The following NKAIN2 variants were observed in gnomAD, a reference collection of about 807,000 sequenced individuals.
The protein encoded by NKAIN2 is sodium/potassium transporting ATPase interacting 2, also known as sodium/potassium-transporting ATPase subunit beta-1-interacting protein 2.
In NKAIN2, 14 loss-of-function variants were observed where a neutral mutation model predicts 32.6. The ratio of observed to expected loss-of-function variants is 0.43; its 90% CI spans 0.28 to 0.67. NKAIN2 has a LOEUF of 0.67. NKAIN2 is among the 30% of genes least tolerant of loss of function. The pLI, the probability that NKAIN2 is intolerant of heterozygous loss-of-function variation, is 0.17. For missense variants in NKAIN2, 198 were observed against 258.3 expected (o/e 0.77, Z 1.60); for synonymous variants, 80 against 87.2 (o/e 0.92, Z 0.46).
chr6:124,208,506 A>G (rs1174343596), intron 1 of NKAIN2, among the ~76,000 whole-genome samples: 1 of 151,724 alleles, frequency 6.6e-6, no homozygotes, highest in Non-Finnish European at 1.5e-5. Flanking sequence ...TGTTCTTTTC[A>G]TATACTGATA....
intron 3 of NKAIN2, among the ~76,000 whole-genome samples, chr6:124,523,168 T>C (rs1779187395): frequency 6.6e-6 from 1 of 151,072 alleles, no homozygotes; most frequent in Admixed American, 6.6e-5. Context: ...AAAAAGATCT[T>C]TAACTGAATT....
chr6:124,014,892 C>T (rs573302296), intron 1 of NKAIN2, among the ~76,000 whole-genome samples: 10 of 152,076 alleles, frequency 6.6e-5, no homozygotes, highest in Non-Finnish European at 1.5e-4. Flanking sequence ...ACTTGTTTAA[C>T]GTATCTCCCT....
At chr6:123,878,758 T>G (rs116221220) in intron 1 of NKAIN2, among the ~76,000 whole-genome samples, 5,097 of 152,210 alleles carry the variant, frequency 0.033, 145 homozygotes, top group African/African-American at 0.074. Context: ...CTTTCTGTAC[T>G]CTATATTTTG....
chr6:124,781,786 A>G (rs141920492), intron 4 of NKAIN2, among the ~76,000 whole-genome samples: 293 of 152,220 alleles, frequency 1.9e-3, no homozygotes, highest in African/African-American at 6.6e-3. Flanking sequence ...TCTGACTCCA[A>G]AGTTATTCAG....
At chr6:124,148,415 C>T (rs925688341) in intron 1 of NKAIN2, among the ~76,000 whole-genome samples, 7 of 152,054 alleles carry the variant, frequency 4.6e-5, no homozygotes, top group East Asian at 3.9e-4. Context: ...ATCTCCCCCC[C>T]GACCAACCCC....
intron 1 of NKAIN2, among the ~76,000 whole-genome samples, chr6:124,166,086 C>G (rs533658293): frequency 1.4e-3 from 171 of 122,970 alleles, no homozygotes; most frequent in African/African-American, 4.9e-3. Context: ...CCTGAGGAAT[C>G]GCCACACTGA....
intron 1 of NKAIN2, among the ~76,000 whole-genome samples, chr6:124,011,790 T>C (rs1780343278): frequency 6.6e-6 from 1 of 152,214 alleles, no homozygotes; most frequent in Non-Finnish European, 1.5e-5. Flanking sequence ...TGTTGTGCCT[T>C]CCTAACTAGT....
chr6:124,576,737 G>A lies in NKAIN2; in HGVS notation c.274-81449G>A, dbSNP rs145726351. On this transcript the variant is annotated intron_variant, in intron 3 of 6. Transcript: ENST00000368417. ...CTGATAGGGTTGTAAATATTGGCAC[G>A]TTCCAAATACTCTTTAAGAAACGCA... Among the ~76,000 whole-genome samples the A allele has an allele frequency of 3.3e-5, 5 of 152,166 alleles. 1 individual carries two copies. Among genetic ancestry groups the A allele is most frequent in the South Asian group, 4.1e-4 (2 of 4,820 alleles).
rs149257498 is a variant in NKAIN2, at chr6:124,102,087, C to A, written c.55-180918C>A. On this transcript the variant is annotated intron_variant, in intron 1 of 6. Transcript: ENST00000368417. Reference sequence around the variant, plus strand: ...TCGAACTTCAAGGAACTGGCATGGGCCAGGTAAAGTCACCTGAGAGGAGGG... The same window carrying A: ...TCGAACTTCAAGGAACTGGCATGGGACAGGTAAAGTCACCTGAGAGGAGGG... Among the ~76,000 whole-genome samples, 3 of 152,260 alleles carry A rather than the reference C, an allele frequency of 2.0e-5. No individual in the cohort carries two copies. In the East Asian group the frequency reaches 5.8e-4, roughly 30 times the overall value.
At chr6:124,798,911 T>C (rs1180004755) in intron 5 of NKAIN2, among the ~76,000 whole-genome samples, 1 of 152,154 alleles carries the variant, frequency 6.6e-6, no homozygotes, top group Non-Finnish European at 1.5e-5. Flanking sequence ...CCTTAGCATC[T>C]ACCAAATCCC....
chr6:124,190,394 A>C (rs2114584587), intron 1 of NKAIN2, among the ~76,000 whole-genome samples: 1 of 152,296 alleles, frequency 6.6e-6, no homozygotes, highest in East Asian at 1.9e-4. Flanking sequence ...ATGTAGACAA[A>C]CCATTTGAAT....
intron 1 of NKAIN2, among the ~76,000 whole-genome samples, chr6:124,138,333 TAAG>T (rs1786937056): frequency 6.6e-6 from 1 of 152,002 alleles, no homozygotes; most frequent in Non-Finnish European, 1.5e-5. Context: ...AATCAAAAAA[TAAG>T]AGATGTTGGC....
At chr6:123,812,383 A>G (rs1269969808) in intron 1 of NKAIN2, among the ~76,000 whole-genome samples, 2 of 152,240 alleles carry the variant, frequency 1.3e-5, no homozygotes, top group African/African-American at 4.8e-5. Context: ...AAGATATTTA[A>G]GAATATAGAA....
chr6:123,822,273 C>A (rs995018316), intron 1 of NKAIN2, among the ~76,000 whole-genome samples: 3 of 151,702 alleles, frequency 2.0e-5, no homozygotes, highest in African/African-American at 7.3e-5. Flanking sequence ...CTTCTCTTTG[C>A]ATTTCCTAAC....
At chr6:124,649,410 A>G (rs1398643413) in intron 3 of NKAIN2, among the ~76,000 whole-genome samples, 1 of 152,218 alleles carries the variant, frequency 6.6e-6, no homozygotes, top group Non-Finnish European at 1.5e-5. Context: ...GTCTAAAAAA[A>G]CTTGTAGAAA....
At chr6:124,200,473 T>C (rs1403729706) in intron 1 of NKAIN2, among the ~76,000 whole-genome samples, 1 of 152,072 alleles carries the variant, frequency 6.6e-6, no homozygotes, top group Non-Finnish European at 1.5e-5. Flanking sequence ...GAGTTCATCA[T>C]CATTAGATAC....
intron 4 of NKAIN2, among the ~76,000 whole-genome samples, chr6:124,720,241 A>G (rs1775948985): frequency 6.6e-6 from 1 of 152,216 alleles, no homozygotes; most frequent in African/African-American, 2.4e-5. Context: ...AGATGGGAAG[A>G]GAGTGTAGAC....
intron 2 of NKAIN2, among the ~76,000 whole-genome samples, chr6:124,352,300 T>C (rs1457159007): frequency 1.3e-5 from 2 of 152,178 alleles, no homozygotes; most frequent in Non-Finnish European, 2.9e-5. Context: ...CTAGGTATAA[T>C]TTACATTTAT....
At chr6:124,815,225 C>CATATATAT (rs56841213) in intron 5 of NKAIN2, among the ~76,000 whole-genome samples, 5,438 of 136,760 alleles carry the variant, frequency 0.04, 166 homozygotes, top group South Asian at 0.1. Flanking sequence ...TATATATATA[C>CATATATAT]ATATATATAT....
Sources: allele counts gnomAD v4.1 joint callset (sites outside exome capture counted in the v4.1 genomes callset), GRCh38; gene constraint gnomAD v4.1.1; transcripts MANE v1.5; gene names NCBI Gene and HGNC (gene_info 2026-07-23, HGNC 2026-07-21).